SH3RF2: variants seen among roughly 807,000 people sequenced by gnomAD.
SH3RF2 encodes E3 ubiquitin-protein ligase SH3RF2.
A neutral mutation model predicts 59.0 loss-of-function variants in SH3RF2; 43 were observed. The observed-to-expected ratio is 0.73, with a 90% CI of 0.57 to 0.94. The LOEUF is 0.94. Among genes scored for constraint, SH3RF2 ranks in the 40% least tolerant of loss-of-function variants. SH3RF2 has a pLI of 0.00. For missense variants in SH3RF2, 930 were observed against 940.1 expected (o/e 0.99, Z 0.14); for synonymous variants, 391 against 391.5 (o/e 1.00, Z 0.01).
At chr5:145,982,204 C>A (rs1298387215) in intron 2 of SH3RF2, among the ~76,000 whole-genome samples, 1 of 152,174 alleles carries the variant, frequency 6.6e-6, no homozygotes, top group Non-Finnish European at 1.5e-5. Context: ...TGAGGGAATT[C>A]ATGCTAATCC....
chr5:146,031,942 T>C (rs1163745714), intron 5 of SH3RF2, among the ~76,000 whole-genome samples: 1 of 152,160 alleles, frequency 6.6e-6, no homozygotes, highest in Non-Finnish European at 1.5e-5. Flanking sequence ...CTCACAATGA[T>C]GCATGCTCCA....
intron 2 of SH3RF2, among the ~76,000 whole-genome samples, chr5:145,987,264 G>A (rs1224567399): frequency 1.3e-5 from 2 of 152,124 alleles, no homozygotes; most frequent in African/African-American, 4.8e-5. Context: ...TTCTTTAGGG[G>A]TGATTTGTGA....
At chr5:145,982,301 C>T (rs4913057) in intron 2 of SH3RF2, among the ~76,000 whole-genome samples, 19,398 of 152,192 alleles carry the variant, frequency 0.13, 1,391 homozygotes, top group East Asian at 0.26. Flanking sequence ...TGCAGGTGCT[C>T]CTGGAGGCTT....
chr5:146,008,306 G>A (rs1263810989), intron 4 of SH3RF2, among the ~76,000 whole-genome samples: 1 of 152,202 alleles, frequency 6.6e-6, no homozygotes, highest in Admixed American at 6.5e-5. Flanking sequence ...GAGTCTCCCG[G>A]AGCCCTGTGT....
At chr5:145,998,028 G>C (rs988498889) in intron 2 of SH3RF2, 1 of 649,046 alleles carries the variant, frequency 1.5e-6, no homozygotes, top group Non-Finnish European at 2.8e-6. Context: ...ACTGCATAGA[G>C]AGACTACATA....
At chr5:146,027,484 G>A (rs1264072250) in intron 5 of SH3RF2, among the ~76,000 whole-genome samples, 1 of 152,226 alleles carries the variant, frequency 6.6e-6, no homozygotes, top group African/African-American at 2.4e-5. Flanking sequence ...CTGGGCACAG[G>A]TGATACAGTG....
chr5:146,008,124 GC>G (rs899759392), intron 4 of SH3RF2, among the ~76,000 whole-genome samples: 40 of 152,360 alleles, frequency 2.6e-4, no homozygotes, highest in African/African-American at 9.1e-4. Flanking sequence ...CTGAGCCTAT[GC>G]TCATTCTTAT....
chr5:146,033,725 C>T (rs1207907297), intron 5 of SH3RF2, among the ~76,000 whole-genome samples: 1 of 152,096 alleles, frequency 6.6e-6, no homozygotes, highest in Non-Finnish European at 1.5e-5. Flanking sequence ...CCACCTCAGC[C>T]TCCCAAAGTG....
intron 2 of SH3RF2, among the ~76,000 whole-genome samples, chr5:145,971,844 T>G (rs891634410): frequency 2.0e-5 from 3 of 151,914 alleles, no homozygotes; most frequent in Admixed American, 6.6e-5. Context: ...AACATGAGGC[T>G]TGGAATAGCC....
intron 5 of SH3RF2, among the ~76,000 whole-genome samples, chr5:146,014,856 G>A (rs781647891): frequency 6.6e-6 from 1 of 152,202 alleles, no homozygotes; most frequent in Non-Finnish European, 1.5e-5. Context: ...AGGGGTGGTC[G>A]TGGCAATCCA....
chr5:145,996,872 C>A (rs1354158581), intron 2 of SH3RF2, among the ~76,000 whole-genome samples: 1 of 152,208 alleles, frequency 6.6e-6, no homozygotes, highest in Non-Finnish European at 1.5e-5. Context: ...CTCTGTGTCT[C>A]TGTCACCCTA....
At chr5:146,078,928 C>A (rs1219130117) in exon 10 of SH3RF2, 2 of 152,174 alleles carry the variant, frequency 1.3e-5, no homozygotes, top group Admixed American at 6.5e-5. Flanking sequence ...GGTGTTCAAT[C>A]CGAAGAGGCC....
chr5:145,992,712 C>T (rs895208637), intron 2 of SH3RF2, among the ~76,000 whole-genome samples: 4 of 152,112 alleles, frequency 2.6e-5, no homozygotes, highest in African/African-American at 9.7e-5. Context: ...TATTCACTAT[C>T]ATAAGAACAG....
chr5:146,043,919 G>A (rs769906278), intron 5 of SH3RF2: 15 of 152,156 alleles, frequency 9.9e-5, no homozygotes, highest in East Asian at 7.7e-4. Context: ...CTGAACATTC[G>A]TGTACAGGTC....
At position 146,000,191 on chromosome 5, in the gene SH3RF2, G is replaced by A. The variant is rs780317344; in HGVS notation, c.512G>A (p.Ser171Asn). 6.2e-7 allele frequency: 1 copy of A among 1,613,680 alleles called. No homozygotes were observed. Among genetic ancestry groups the A allele is most frequent in the East Asian group, 2.2e-5 (1 of 44,858 alleles). The change falls in exon 3 of 10, where the codon AGC becomes AAC. Residue 171 changes from serine (S) to asparagine (N), a missense_variant. Transcript: ENST00000359120. Reference sequence around the variant, plus strand: ...TACCAGGGGGAAATCAATGGCATCAGCGGGAACTTCCCAGCCAGCTCCGTG... The same window carrying A: ...TACCAGGGGGAAATCAATGGCATCAACGGGAACTTCCCAGCCAGCTCCGTG... ...NWYQGEINGI[S>N]GNFPASSVEV... is the part of the protein sequence containing the mutation.
chr5:146,062,617 C>A lies in SH3RF2; in HGVS notation c.2106C>A (p.Asp702Glu), dbSNP rs755203650. 2.5e-6 allele frequency: 4 copies of A among 1,614,206 alleles called. No homozygotes were observed. Among genetic ancestry groups the A allele is most frequent in the South Asian group, 2.2e-5 (2 of 91,084 alleles). ...GCTGCCACTCCGGACAGCAGACAGA[C>A]CTCCGGAGAAAGTCAGCTCTTGGCA... ...RSGCHSGQQT[D>E]LRRKSALGKA... The change falls in exon 10 of 10, where the codon GAC becomes GAA. Residue 702 changes from aspartate (D) to glutamate (E), a missense_variant. Physicochemically the swap from Asp to Glu is conservative, Grantham distance 45. Coordinates refer to ENST00000359120, the MANE Select transcript of SH3RF2 (RefSeq NM_152550.4).
At chr5:146,012,002 A>T (rs1440861102) in intron 4 of SH3RF2, among the ~76,000 whole-genome samples, 1 of 152,136 alleles carries the variant, frequency 6.6e-6, no homozygotes, top group Admixed American at 6.5e-5. Flanking sequence ...ATTCAGTATG[A>T]TATTGGCTGT....
At chr5:146,072,643 C>A (rs959594034) in intron 9 of SH3RF2, among the ~76,000 whole-genome samples, 5 of 152,144 alleles carry the variant, frequency 3.3e-5, no homozygotes, top group African/African-American at 1.2e-4. Context: ...TGCACTCCAG[C>A]CTGGCAACAG....
At chr5:146,024,688 A>T (rs1360799786) in intron 5 of SH3RF2, among the ~76,000 whole-genome samples, 1 of 152,122 alleles carries the variant, frequency 6.6e-6, no homozygotes, top group African/African-American at 2.4e-5. Context: ...TTTTACTCTA[A>T]TGTTTAGATT....
Sources: gnomAD v4.1 joint callset for allele counts (sites outside exome capture counted in the v4.1 genomes callset) on GRCh38, gnomAD v4.1.1 for gene constraint, MANE v1.5 for transcripts, NCBI Gene and HGNC (gene_info 2026-07-23, HGNC 2026-07-21) for gene names.